Variants in CALN1 observed in about 807,000 individuals in gnomAD.
The protein encoded by CALN1 is calneuron 1, also known as calcium-binding protein 8.
Under a neutral mutation model 30.6 loss-of-function variants are expected in CALN1, and 17 were observed. That is an observed-to-expected ratio of 0.56 (90% confidence interval 0.38 to 0.83). CALN1 has a LOEUF of 0.83. Ranked by LOEUF, CALN1 falls within the 40% of genes least tolerant of loss-of-function variation. CALN1 has a pLI of 0.00. For synonymous variants in CALN1, 156 were observed against 131.4 expected, an observed-to-expected ratio of 1.19 and a Z score of -1.28; for missense variants, 291 against 354.9, an observed-to-expected ratio of 0.82 and a Z score of 1.45.
At position 72,064,296 on chromosome 7, in the gene CALN1, T is replaced by A. The variant is rs903612572; in HGVS notation, c.389-40527A>T. 1.7e-3 allele frequency among the ~76,000 whole-genome samples: 237 copies of A among 140,056 alleles called. 1 individual carries two copies. Among genetic ancestry groups the A allele is most frequent in the South Asian group, 2.9e-3 (13 of 4,460 alleles). The allele number at this position is 140,056 out of a possible 152,430, so 91.9% of individuals were successfully genotyped here. ...GACTCCATCTCAAAAAAAAAAAAAA[T>A]AATTAATTAAAAATAAGTAAAAATA... On this transcript the variant is annotated intron_variant, in intron 4 of 6. Transcript: ENST00000395275.
chr7:72,161,741 G>A (rs1171607002), intron 3 of CALN1, among the ~76,000 whole-genome samples: 1 of 151,938 alleles, frequency 6.6e-6, no homozygotes, highest in African/African-American at 2.4e-5. Context: ...ACAGGGAGGG[G>A]AGCAACACAC....
At chr7:72,390,755 C>T (rs184584630) in intron 2 of CALN1, among the ~76,000 whole-genome samples, 46 of 152,168 alleles carry the variant, frequency 3.0e-4, no homozygotes, top group Non-Finnish European at 5.1e-4. Flanking sequence ...ATTATTATAT[C>T]TACCAATAGC....
chr7:71,950,858 T>C (rs900267683), intron 5 of CALN1, among the ~76,000 whole-genome samples: 5 of 152,190 alleles, frequency 3.3e-5, no homozygotes, highest in African/African-American at 1.2e-4. Flanking sequence ...ACTTTGTATC[T>C]ACTGTTCCTT....
At chr7:71,990,720 T>C (rs1303688066) in intron 5 of CALN1, among the ~76,000 whole-genome samples, 1 of 152,200 alleles carries the variant, frequency 6.6e-6, no homozygotes, top group Non-Finnish European at 1.5e-5. Context: ...CCCAAAGTGA[T>C]GGGATTACAG....
At chr7:71,842,099 CAT>C (rs940755774) in intron 5 of CALN1, among the ~76,000 whole-genome samples, 3 of 152,070 alleles carry the variant, frequency 2.0e-5, no homozygotes, top group Admixed American at 6.6e-5. Flanking sequence ...ACATATGGCT[CAT>C]ATCTCACATA....
At position 72,044,035 on chromosome 7, in the gene CALN1, C is replaced by G. The variant is rs191519501; in HGVS notation, c.389-20266G>C. Among the ~76,000 whole-genome samples, 3 of 151,776 alleles carry G rather than the reference C, an allele frequency of 2.0e-5. No individual in the cohort carries two copies. The East Asian group carries it at 5.8e-4, about 29-fold the overall frequency. On this transcript the variant is annotated intron_variant, in intron 4 of 6. Coordinates refer to ENST00000395275, the MANE Select transcript of CALN1 (RefSeq NM_031468.4). ...AGAACAGCATAGGAAAGTCCCCCCA[C>G]CCCCACCATGATTCAATTACCTCCC...
At chr7:72,280,368 A>C (rs928745846) in intron 2 of CALN1, among the ~76,000 whole-genome samples, 1 of 152,228 alleles carries the variant, frequency 6.6e-6, no homozygotes, top group Non-Finnish European at 1.5e-5. Flanking sequence ...GTACATCCAC[A>C]GAACAATTGC....
chr7:72,491,617 T>A, the CALN1 span, among the ~76,000 whole-genome samples: 1 of 152,192 alleles, frequency 6.6e-6, no homozygotes, highest in Admixed American at 6.5e-5. Flanking sequence ...GTTCTTTTCT[T>A]TCACGTTCAT....
At chr7:72,131,699 C>G (rs1276703735) in intron 3 of CALN1, among the ~76,000 whole-genome samples, 1 of 152,156 alleles carries the variant, frequency 6.6e-6, no homozygotes, top group African/African-American at 2.4e-5. Context: ...TTGCCCAACC[C>G]TGCCACTCCC....
the CALN1 span, among the ~76,000 whole-genome samples, chr7:72,466,172 A>G: frequency 6.6e-6 from 1 of 152,146 alleles, no homozygotes. Context: ...CCAGCTCTGT[A>G]TAGTTTAGAT....
intron 1 of CALN1, among the ~76,000 whole-genome samples, chr7:72,417,780 G>A (rs1216681478): frequency 6.6e-6 from 1 of 152,100 alleles, no homozygotes; most frequent in Non-Finnish European, 1.5e-5. Flanking sequence ...TCATCAGTGG[G>A]TTTGAGGTAA....
chr7:72,201,826 C>G (rs1280005474), intron 3 of CALN1, among the ~76,000 whole-genome samples: 1 of 151,932 alleles, frequency 6.6e-6, no homozygotes, highest in Non-Finnish European at 1.5e-5. Context: ...ACATCAAACT[C>G]CCCTCTAGCC....
the CALN1 span, among the ~76,000 whole-genome samples, chr7:72,487,613 G>A: frequency 2.0e-5 from 3 of 150,666 alleles, no homozygotes; most frequent in Admixed American, 6.7e-5. Context: ...GTGAACCCAG[G>A]AGGCAGAGGT....
chr7:72,211,187 C>G (rs374704005), intron 3 of CALN1, among the ~76,000 whole-genome samples: 20 of 152,282 alleles, frequency 1.3e-4, no homozygotes, highest in East Asian at 3.9e-4. Context: ...TGGCCCCAAC[C>G]TGACCCTTTC....
At chr7:72,077,446 G>T (rs1475181082) in intron 4 of CALN1, among the ~76,000 whole-genome samples, 1 of 152,012 alleles carries the variant, frequency 6.6e-6, no homozygotes, top group African/African-American at 2.4e-5. Context: ...GCTAATTTTT[G>T]TATTTTTAGT....
chr7:72,206,028 A>T (rs1791854238), intron 3 of CALN1, among the ~76,000 whole-genome samples: 1 of 152,162 alleles, frequency 6.6e-6, no homozygotes, highest in South Asian at 2.1e-4. Flanking sequence ...CTGCTTTCAT[A>T]GCAGCACCAC....
chr7:72,183,506 T>C lies in CALN1; in HGVS notation c.245-77212A>G, dbSNP rs1010909997. On this transcript the variant is annotated intron_variant, in intron 3 of 6. Transcript: ENST00000395275. The stretch of plus-strand genomic sequence containing the variant: ...CACAGGTGAAATTTACAGGACTTGG[T>C]GACTGCTAAAATGCGAGAAGTTATG... Among the ~76,000 whole-genome samples the C allele has an allele frequency of 4.6e-5, 7 of 152,230 alleles. No homozygotes were observed. In the East Asian group the frequency reaches 1.3e-3, roughly 29 times the overall value.
At chr7:72,272,306 A>G (rs1471245020) in intron 3 of CALN1, among the ~76,000 whole-genome samples, 1 of 152,090 alleles carries the variant, frequency 6.6e-6, no homozygotes, top group Non-Finnish European at 1.5e-5. Context: ...TCATGCCTAT[A>G]ATTTCAGCAC....
chr7:72,241,042 T>A (rs150074427), intron 3 of CALN1, among the ~76,000 whole-genome samples: 18 of 152,314 alleles, frequency 1.2e-4, no homozygotes, highest in African/African-American at 4.3e-4. Context: ...TAGACTGGAG[T>A]GGAATCAAAC....
Sources: gnomAD v4.1 joint callset for allele counts (sites outside exome capture counted in the v4.1 genomes callset) on GRCh38, gnomAD v4.1.1 for gene constraint, MANE v1.5 for transcripts, NCBI Gene and HGNC (gene_info 2026-07-23, HGNC 2026-07-21) for gene names.